WDR48: variants seen among roughly 807,000 people sequenced by gnomAD.
WDR48 encodes the protein WD repeat-containing protein 48.
In WDR48, 22 loss-of-function variants were observed where a neutral mutation model predicts 94.0. The ratio of observed to expected loss-of-function variants is 0.23; its 90% CI spans 0.17 to 0.33. The LOEUF is 0.33. Among genes scored for constraint, WDR48 ranks in the 10% least tolerant of loss-of-function variants. The pLI is 1.00. For synonymous variants in WDR48, 278 were observed against 280.5 expected (o/e 0.99, Z 0.09); for missense variants, 541 against 813.8 (o/e 0.66, Z 4.08).
rs541987827 is a variant in WDR48 at position 39,081,706 on chromosome 3, A to G, written c.1173+1898A>G. On this transcript the variant is annotated intron_variant, in intron 11 of 18. Transcript: ENST00000302313. ...GGACCTAATTGTCTCCAGAATACCC[A>G]AGAGAATCTGATCAGGCCAGCTCCT... Among the ~76,000 whole-genome samples, 4 of 152,282 alleles carry G rather than the reference A, an allele frequency of 2.6e-5. No individual in the cohort carries two copies. In the South Asian group the frequency reaches 6.2e-4, roughly 24 times the overall value.
At chr3:39,055,284 C>T (rs1033448340) in intron 1 of WDR48, among the ~76,000 whole-genome samples, 1 of 152,088 alleles carries the variant, frequency 6.6e-6, no homozygotes, top group East Asian at 1.9e-4. Flanking sequence ...GTCAGGAGTT[C>T]GAGACCAGCC....
chr3:39,095,224 G>T lies in WDR48; in HGVS notation c.*481G>T, dbSNP rs2035284572. ...GTTTGTCATATAAAGTAATCAAATTGTTTTCACCGTTTAAGACAGTTATTT... is the reference window on the plus strand; with the variant it reads ...GTTTGTCATATAAAGTAATCAAATTTTTTTCACCGTTTAAGACAGTTATTT... On this transcript the variant is annotated 3_prime_UTR_variant, in exon 19 of 19. Coordinates refer to ENST00000302313, the MANE Select transcript of WDR48 (RefSeq NM_020839.4). 1 of 157,078 alleles carries T rather than the reference G, an allele frequency of 6.4e-6. No individual in the cohort carries two copies. Among genetic ancestry groups the T allele is most frequent in the Admixed American group, 6.2e-5 (1 of 16,068 alleles). 9.7% of individuals were successfully genotyped at this position (157,078 alleles called of 1,614,324 possible). A position where few individuals can be genotyped will look rare whatever the true frequency, so the allele number is the denominator to read the frequency against.
intron 7 of WDR48, among the ~76,000 whole-genome samples, chr3:39,074,078 C>T (rs992344619): frequency 2.6e-5 from 4 of 152,202 alleles, no homozygotes; most frequent in Non-Finnish European, 5.9e-5. Flanking sequence ...AACAAGTTCC[C>T]AGGGGACGCT....
chr3:39,068,622 A>G (rs1177974533), intron 5 of WDR48, 149 bp from the exon 6 acceptor site: 2 of 520,468 alleles, frequency 3.8e-6, no homozygotes, highest in Non-Finnish European at 7.1e-6. Flanking sequence ...AATACTGTTT[A>G]GATTTATCTC....
At chr3:39,087,806 A>G (rs2034888542) in intron 14 of WDR48, 2 of 179,488 alleles carry the variant, frequency 1.1e-5, no homozygotes. Flanking sequence ...AAAACTCTAG[A>G]TCTTCGTTTA....
In WDR48 at chr3:39,077,118, AT is replaced by A; in HGVS notation, c.898-16del. 1 of 1,614,008 alleles carries A rather than the reference AT, an allele frequency of 6.2e-7. No homozygotes were observed. The highest frequency in any genetic ancestry group is 8.5e-7 in the Non-Finnish European group (1 of 1,179,970). ...AAGAGTTGACATTCCACAAAGCAAT[AT>A]TTTTGTGCTTTGTTTTCAGATGGAG... On this transcript the variant is annotated intron_variant, in intron 8 of 18. Coordinates refer to ENST00000302313, the MANE Select transcript of WDR48 (RefSeq NM_020839.4).
intron 14 of WDR48, chr3:39,087,751 A>G (rs1242596795): frequency 1.3e-5 from 2 of 158,118 alleles, no homozygotes; most frequent in African/African-American, 4.8e-5. Flanking sequence ...TTTTTTCCTC[A>G]AGAAATTTTT....
chr3:39,054,058 G>A (rs552830412), intron 1 of WDR48, among the ~76,000 whole-genome samples: 16 of 152,162 alleles, frequency 1.1e-4, no homozygotes, highest in Non-Finnish European at 2.1e-4. Flanking sequence ...GGGAACTTTC[G>A]GAATTTGTCC....
chr3:39,069,806 A>G lies in WDR48; in HGVS notation c.672+62A>G, dbSNP rs2033826894. On this transcript the variant is annotated intron_variant, in intron 7 of 18. Coordinates refer to ENST00000302313, the MANE Select transcript of WDR48 (RefSeq NM_020839.4). ...TGTTAGAAATTTCCGCACTTTGTAT[A>G]CTATTGCATAGGTTGATTTGAACCG... 3 of 1,345,690 alleles carry G rather than the reference A, an allele frequency of 2.2e-6. No homozygotes were observed. The Admixed American group carries it at 6.4e-5, about 29-fold the overall frequency. 83.4% of individuals were successfully genotyped at this position (1,345,690 alleles called of 1,614,324 possible).
At position 39,095,221 on chromosome 3, in the gene WDR48, AT is replaced by A. The variant is rs1402515147; in HGVS notation, c.*480del. On this transcript the variant is annotated 3_prime_UTR_variant, in exon 19 of 19. Transcript: ENST00000302313. ...CAAGTTTGTCATATAAAGTAATCAA[AT>A]TGTTTTCACCGTTTAAGACAGTTAT... 3 of 157,696 alleles carry A rather than the reference AT, an allele frequency of 1.9e-5. No homozygotes were observed. Among genetic ancestry groups the A allele is most frequent in the African/African-American group, 4.8e-5 (2 of 41,578 alleles). The allele number at this position is 157,696 out of a possible 1,614,324, so 9.8% of individuals were successfully genotyped here.
Position 39,087,352 on chromosome 3 carries a change from C to T in WDR48, c.1475-776C>T, listed in dbSNP as rs2034864066. On this transcript the variant is annotated intron_variant, in intron 14 of 18. Transcript: ENST00000302313. ...ATTTTGACGTCTGTGCTTGTTGGGTCATTTACTACTTGATGGCTTATGTTT... is the reference window on the plus strand; with the variant it reads ...ATTTTGACGTCTGTGCTTGTTGGGTTATTTACTACTTGATGGCTTATGTTT... Among the ~76,000 whole-genome samples, 4 of 152,274 alleles carry T rather than the reference C, an allele frequency of 2.6e-5. 1 individual carries two copies. In the South Asian group the frequency reaches 8.3e-4, roughly 32 times the overall value.
chr3:39,058,326 C>G (rs1005663950), intron 1 of WDR48, among the ~76,000 whole-genome samples: 2 of 152,180 alleles, frequency 1.3e-5, no homozygotes, highest in Non-Finnish European at 2.9e-5. Context: ...TAGAATTTAT[C>G]CAACTAGGAT....
At chr3:39,077,259 G>A in intron 9 of WDR48, 46 bp downstream of exon 9, 1 of 1,607,502 alleles carries the variant, frequency 6.2e-7, no homozygotes, top group South Asian at 1.1e-5. Flanking sequence ...CATGTATTTT[G>A]TTATCACAGA....
chr3:39,084,777 C>G (rs754505148), intron 13 of WDR48, 36 bp downstream of exon 13: 61 of 1,574,656 alleles, frequency 3.9e-5, no homozygotes, highest in Non-Finnish European at 5.1e-5. Flanking sequence ...TTCCTCCCTT[C>G]TAAAGAGAAG....
In WDR48 at chr3:39,089,338, A is replaced by C; in HGVS notation, c.1668+20A>C. The C allele has an allele frequency of 6.2e-7, 1 of 1,602,746 alleles. No homozygotes were observed. Among genetic ancestry groups the C allele is most frequent in the African/African-American group, 1.3e-5 (1 of 74,642 alleles). ...GTGGATGTAAGTATCCTCCACTCCC[A>C]CTTTGCTCTTTTATTTTTTTGTAAC... On this transcript the variant is annotated intron_variant, in intron 16 of 18. Coordinates refer to ENST00000302313, the MANE Select transcript of WDR48 (RefSeq NM_020839.4).
chr3:39,064,575 A>G (rs904520007), intron 2 of WDR48, among the ~76,000 whole-genome samples: 1 of 152,190 alleles, frequency 6.6e-6, no homozygotes, highest in African/African-American at 2.4e-5. Context: ...GCGCCTGGCC[A>G]GATCCATTTT....
chr3:39,092,773 G>C (rs987623348), intron 17 of WDR48, among the ~76,000 whole-genome samples: 13 of 151,962 alleles, frequency 8.6e-5, no homozygotes, highest in African/African-American at 3.1e-4. Flanking sequence ...AAAGAAGCTA[G>C]TGAGCCCCCA....
intron 13 of WDR48, 41 bp downstream of exon 13, chr3:39,084,782 GAGA>G: frequency 1.3e-6 from 2 of 1,563,192 alleles, no homozygotes; most frequent in Non-Finnish European, 1.8e-6. Flanking sequence ...CCCTTCTAAA[GAGA>G]AGATGAATAT....
chr3:39,094,434 T>C, intron 18 of WDR48: 1 of 1,527,926 alleles, frequency 6.5e-7, no homozygotes, highest in South Asian at 1.2e-5. Flanking sequence ...GGCTGAAAGA[T>C]GGCCTGGTGT....
Sources: allele counts gnomAD v4.1 joint callset (sites outside exome capture counted in the v4.1 genomes callset), GRCh38; gene constraint gnomAD v4.1.1; transcripts MANE v1.5; gene names NCBI Gene and HGNC (gene_info 2026-07-23, HGNC 2026-07-21).